PELI2: variants seen among roughly 807,000 people sequenced by gnomAD.
The protein encoded by PELI2 is E3 ubiquitin-protein ligase pellino homolog 2.
PELI2 carries 23 observed loss-of-function variants against 42.3 expected under a neutral mutation model. The observed-to-expected ratio is 0.54, with a 90% CI of 0.39 to 0.77. PELI2 has a LOEUF of 0.77. Ranked by LOEUF, PELI2 falls within the 30% of genes least tolerant of loss-of-function variation. PELI2 has a pLI of 0.00. For synonymous variants in PELI2, 245 were observed against 212.2 expected (o/e 1.15, Z -1.34); for missense variants, 463 against 553.2 (o/e 0.84, Z 1.64).
chr14:56,182,656 A>G (rs2139674793), intron 2 of PELI2, among the ~76,000 whole-genome samples: 1 of 152,324 alleles, frequency 6.6e-6, no homozygotes, highest in African/African-American at 2.4e-5. Flanking sequence ...AGTTTAGAGA[A>G]ACATGAGGGC....
At chr14:56,200,489 A>G (rs200264667) in intron 2 of PELI2, among the ~76,000 whole-genome samples, 2 of 152,290 alleles carry the variant, frequency 1.3e-5, no homozygotes, top group East Asian at 3.9e-4. Flanking sequence ...CATAACTACC[A>G]CACTCTACTG....
chr14:56,238,865 A>T (rs1308179415), intron 2 of PELI2, among the ~76,000 whole-genome samples: 2 of 152,212 alleles, frequency 1.3e-5, no homozygotes, highest in African/African-American at 4.8e-5. Flanking sequence ...GGATTTGTTC[A>T]GTGAACTAGA....
intron 3 of PELI2, among the ~76,000 whole-genome samples, chr14:56,284,917 A>C (rs1460971035): frequency 6.6e-6 from 1 of 152,224 alleles, no homozygotes; most frequent in African/African-American, 2.4e-5. Flanking sequence ...GCTCCAAGTC[A>C]AGATCACAGT....
chr14:56,161,197 T>C (rs536462811), intron 1 of PELI2, among the ~76,000 whole-genome samples: 1 of 152,298 alleles, frequency 6.6e-6, no homozygotes, highest in South Asian at 2.1e-4. Flanking sequence ...GCATCCCAAT[T>C]CAAAGCTTAC....
chr14:56,139,832 C>T (rs242423), intron 1 of PELI2, among the ~76,000 whole-genome samples: 125,557 of 151,386 alleles, frequency 0.83, 52,489 homozygotes, highest in African/African-American at 0.93. Flanking sequence ...GTCTTTATAG[C>T]TGGTAAAATT....
At chr14:56,164,612 G>A (rs1242504661) in intron 1 of PELI2, among the ~76,000 whole-genome samples, 1 of 152,088 alleles carries the variant, frequency 6.6e-6, no homozygotes, top group East Asian at 1.9e-4. Flanking sequence ...GAGTAGGATT[G>A]GTATTAGTTC....
rs138536987 is a variant in PELI2, at chr14:56,244,311, G to A, written c.208-35365G>A. The stretch of plus-strand genomic sequence containing the variant: ...ATCAAATACTGCTGTTGCATGTGAC[G>A]TAATATCAGGGGTATGCAATGTGGA... On this transcript the variant is annotated intron_variant, in intron 2 of 5. Transcript: ENST00000267460. Among the ~76,000 whole-genome samples, 35 of 152,300 alleles carry A rather than the reference G, an allele frequency of 2.3e-4. 1 individual carries two copies. The East Asian group carries it at 5.2e-3, about 23-fold the overall frequency.
rs2139913898 is a variant in PELI2 at position 56,297,672 on chromosome 14, G to A, written c.*506G>A. ...GCGGCTCTGTACAGTGTGACTGGTGGACAGATGGCCTTAGGCACAGGTGGT... is the reference window on the plus strand; with the variant it reads ...GCGGCTCTGTACAGTGTGACTGGTGAACAGATGGCCTTAGGCACAGGTGGT... On this transcript the variant is annotated 3_prime_UTR_variant, in exon 6 of 6. Transcript: ENST00000267460. 6.5e-6 allele frequency: 1 copy of A among 152,774 alleles called. No individual in the cohort carries two copies. Among genetic ancestry groups the A allele is most frequent in the East Asian group, 1.9e-4 (1 of 5,184 alleles). 9.5% of individuals were successfully genotyped at this position (152,774 alleles called of 1,614,324 possible). A position where few individuals can be genotyped will look rare whatever the true frequency, so the allele number is the denominator to read the frequency against.
Position 56,164,076 on chromosome 14 carries a change from C to G in PELI2, c.78-14259C>G, listed in dbSNP as rs529388451. 4.6e-5 allele frequency among the ~76,000 whole-genome samples: 7 copies of G among 152,166 alleles called. No individual in the cohort carries two copies. In the East Asian group the frequency reaches 1.2e-3, roughly 25 times the overall value. The stretch of plus-strand genomic sequence containing the variant: ...ATCTGATTACTGTAGCTAGGACCTC[C>G]AGTACTATGTTGAGTAATGGTGGCG... On this transcript the variant is annotated intron_variant, in intron 1 of 5. Coordinates refer to ENST00000267460, the MANE Select transcript of PELI2 (RefSeq NM_021255.3).
chr14:56,191,018 G>A (rs1475726247), intron 2 of PELI2, among the ~76,000 whole-genome samples: 1 of 152,188 alleles, frequency 6.6e-6, no homozygotes, highest in African/African-American at 2.4e-5. Flanking sequence ...GTAAACTCTG[G>A]ATTTTATTCT....
intron 2 of PELI2, among the ~76,000 whole-genome samples, chr14:56,204,347 T>C (rs377650851): frequency 2.0e-5 from 3 of 152,132 alleles, no homozygotes; most frequent in Admixed American, 6.5e-5. Flanking sequence ...AGTAGGTTAA[T>C]GTGGATGCTT....
rs1889705066 is a variant in PELI2, at chr14:56,288,221, A to G, written c.310-216A>G. Among the ~76,000 whole-genome samples, 1 of 152,216 alleles carries G rather than the reference A, an allele frequency of 6.6e-6. No homozygotes were observed. Among genetic ancestry groups the G allele is most frequent in the Admixed American group, 6.5e-5 (1 of 15,278 alleles). ...CATATTATATTCTTAGCACAATACA[A>G]TAAAATTAAAAATAGGTATCTCTAA... On this transcript the variant is annotated intron_variant, in intron 3 of 5. Transcript: ENST00000267460. The surrounding 1 kb of genome is among the most constrained non-coding windows in gnomAD (Gnocchi z 4.6).
At chr14:56,140,507 A>G (rs1056746824) in intron 1 of PELI2, among the ~76,000 whole-genome samples, 1 of 152,200 alleles carries the variant, frequency 6.6e-6, no homozygotes, top group Non-Finnish European at 1.5e-5. Flanking sequence ...CAAACCTTTG[A>G]AAACAACTCC....
intron 1 of PELI2, among the ~76,000 whole-genome samples, chr14:56,134,082 A>G (rs1427592966): frequency 1.3e-5 from 2 of 152,192 alleles, no homozygotes; most frequent in East Asian, 3.9e-4. Flanking sequence ...GGTAAGGTAG[A>G]TTGTAAAATT....
intron 2 of PELI2, among the ~76,000 whole-genome samples, chr14:56,264,318 A>G (rs1428092895): frequency 6.6e-6 from 1 of 152,198 alleles, no homozygotes; most frequent in Non-Finnish European, 1.5e-5. Flanking sequence ...AGGTGCAAGA[A>G]CACTGATGTA....
intron 1 of PELI2, among the ~76,000 whole-genome samples, chr14:56,159,709 T>C (rs1019296305): frequency 2.0e-5 from 3 of 152,176 alleles, no homozygotes; most frequent in Admixed American, 6.5e-5. Context: ...TATTAATATA[T>C]ACTTAAGTGG....
At chr14:56,205,839 A>G (rs1197315160) in intron 2 of PELI2, among the ~76,000 whole-genome samples, 1 of 152,156 alleles carries the variant, frequency 6.6e-6, no homozygotes, top group Non-Finnish European at 1.5e-5. Context: ...GGAGATAGGA[A>G]GTAATTGGGA....
intron 2 of PELI2, among the ~76,000 whole-genome samples, chr14:56,239,371 G>A (rs1887899580): frequency 6.6e-6 from 1 of 152,138 alleles, no homozygotes; most frequent in Non-Finnish European, 1.5e-5. Context: ...GACTTTCCAA[G>A]AGAATGTCTC....
At chr14:56,221,036 C>T (rs1887112110) in intron 2 of PELI2, among the ~76,000 whole-genome samples, 1 of 152,184 alleles carries the variant, frequency 6.6e-6, no homozygotes. Context: ...CCATGGACAG[C>T]TGTAACAGAC....
Sources: gnomAD v4.1 joint callset for allele counts (sites outside exome capture counted in the v4.1 genomes callset) on GRCh38, gnomAD v4.1.1 for gene constraint, Gnocchi (gnomAD v3.1) non-coding constraint, MANE v1.5 for transcripts, NCBI Gene and HGNC (gene_info 2026-07-23, HGNC 2026-07-21) for gene names.